The following STAT5A variants were observed in gnomAD, a reference collection of about 807,000 sequenced individuals.
The protein encoded by STAT5A is signal transducer and activator of transcription 5A.
STAT5A carries 26 observed loss-of-function variants against 100.2 expected under a neutral mutation model. That is an observed-to-expected ratio of 0.26 (90% CI 0.19 to 0.36). The LOEUF is 0.36. Ranked by LOEUF, STAT5A falls within the 10% of genes least tolerant of loss-of-function variation. The probability of loss-of-function intolerance (pLI) is 1.00; values close to 1 mark genes in which losing one functional copy is unlikely to be tolerated. For missense variants in STAT5A, 634 were observed against 1,027.5 expected (o/e 0.62, Z 5.24); for synonymous variants, 330 against 424.3 (o/e 0.78, Z 2.73).
intron 4 of STAT5A, among the ~76,000 whole-genome samples, chr17:42,292,395 C>T (rs952245755): frequency 3.3e-5 from 5 of 152,010 alleles, no homozygotes; most frequent in Non-Finnish European, 7.4e-5. Context: ...GTGGCGTGAT[C>T]TCGGCTCACT....
At position 42,311,798 on chromosome 17, in the gene STAT5A, G is replaced by A. The variant is rs781630618; in HGVS notation, c.*1129G>A. ...TGAGGCTGTAGGACTCGCAGTCAGGGGCAGCTGACCATGGAAGATTGAGAG... is the reference window on the plus strand; with the variant it reads ...TGAGGCTGTAGGACTCGCAGTCAGGAGCAGCTGACCATGGAAGATTGAGAG... On this transcript the variant is annotated 3_prime_UTR_variant, in exon 19 of 19. Transcript: ENST00000590949. 1 of 152,718 alleles carries A rather than the reference G, an allele frequency of 6.5e-6. No individual in the cohort carries two copies. The highest frequency in any genetic ancestry group is 2.4e-5 in the African/African-American group (1 of 41,448). The allele number at this position is 152,718 out of a possible 1,614,324, so 9.5% of individuals were successfully genotyped here. A position where few individuals can be genotyped will look rare whatever the true frequency, so the allele number is the denominator to read the frequency against.
intron 4 of STAT5A, among the ~76,000 whole-genome samples, chr17:42,293,271 C>T (rs544665454): frequency 3.9e-5 from 6 of 152,266 alleles, no homozygotes; most frequent in African/African-American, 1.4e-4. Flanking sequence ...GTGGCGTGAT[C>T]TCGGCTCACT....
intron 4 of STAT5A, 83 bp downstream of exon 4, chr17:42,292,144 A>G (rs2080875183): frequency 2.0e-6 from 3 of 1,506,268 alleles, no homozygotes; most frequent in Non-Finnish European, 2.7e-6. Context: ...TGTTTATATA[A>G]AACAGCAGCA....
chr17:42,301,391 T>G lies in STAT5A; in HGVS notation c.1106T>G (p.Val369Gly). 1.2e-6 allele frequency: 2 copies of G among 1,614,130 alleles called. No individual in the cohort carries two copies. Among genetic ancestry groups the G allele is most frequent in the Non-Finnish European group, 1.7e-6 (2 of 1,180,014 alleles). Reference sequence around the variant, plus strand: ...AACGTGCACATGAATCCCCCCCAGGTGAAGGCCACCATCATCAGTGAGCAG... The same window carrying G: ...AACGTGCACATGAATCCCCCCCAGGGGAAGGCCACCATCATCAGTGAGCAG... ...KLNVHMNPPQ[V>G]KATIISEQQA... Residue 369 changes from valine to glycine, a missense_variant, in exon 9 of 19, where the codon GTG becomes GGG. Physicochemically the swap from Val to Gly is moderately radical, Grantham distance 109 (BLOSUM62 -3). Around this residue, in one of 5 missense-constraint regions of STAT5A, gnomAD observed 98 missense variants for 149.7 expected, o/e 0.65. Transcript: ENST00000590949.
At chr17:42,301,673 C>G (rs888605469) in intron 9 of STAT5A, among the ~76,000 whole-genome samples, 5 of 152,182 alleles carry the variant, frequency 3.3e-5, no homozygotes, top group Non-Finnish European at 5.9e-5. Flanking sequence ...CGTTCTTTAC[C>G]CTGGGGATGG....
chr17:42,305,170 A>G (rs2081016122), intron 11 of STAT5A, among the ~76,000 whole-genome samples: 1 of 152,186 alleles, frequency 6.6e-6, no homozygotes, highest in Non-Finnish European at 1.5e-5. Flanking sequence ...ACTGCCCTCC[A>G]GTCTGGGCGA....
intron 9 of STAT5A, among the ~76,000 whole-genome samples, chr17:42,303,445 C>CACGCCT (rs985749273): frequency 1.3e-5 from 2 of 152,060 alleles, no homozygotes; most frequent in African/African-American, 4.8e-5. Flanking sequence ...CACAGTGGCT[C>CACGCCT]ACGCCTGTAA....
intron 12 of STAT5A, chr17:42,306,036 CT>C (rs2081025647): frequency 2.4e-6 from 2 of 841,600 alleles, no homozygotes; most frequent in African/African-American, 1.7e-5. Context: ...CCCCCACCCC[CT>C]GCATCGGTTT....
At chr17:42,305,256 A>G (rs973674287) in intron 11 of STAT5A, among the ~76,000 whole-genome samples, 2 of 152,090 alleles carry the variant, frequency 1.3e-5, no homozygotes, top group African/African-American at 4.8e-5. Flanking sequence ...TAATCCCAGC[A>G]CTTTGGGAGG....
intron 7 of STAT5A, 52 bp from the exon 8 acceptor site, chr17:42,300,663 G>T: frequency 6.2e-7 from 1 of 1,613,620 alleles, no homozygotes; most frequent in South Asian, 1.1e-5. Context: ...GGGGCCTGGC[G>T]TCTGTGAGGA....
At chr17:42,298,371 G>A (rs557505876) in intron 5 of STAT5A, among the ~76,000 whole-genome samples, 1 of 151,882 alleles carries the variant, frequency 6.6e-6, no homozygotes, top group Admixed American at 6.6e-5. Context: ...ATGTTGGCCA[G>A]GCTGGTCTCG....
At chr17:42,303,264 G>C (rs1330566000) in intron 9 of STAT5A, among the ~76,000 whole-genome samples, 1 of 151,782 alleles carries the variant, frequency 6.6e-6, no homozygotes, top group Non-Finnish European at 1.5e-5. Context: ...AAAGTTTACT[G>C]ATTTCCTACC....
At chr17:42,293,266 G>A (rs1222554743) in intron 4 of STAT5A, among the ~76,000 whole-genome samples, 3 of 152,048 alleles carry the variant, frequency 2.0e-5, no homozygotes, top group Admixed American at 6.6e-5. Context: ...GTGCAGTGGC[G>A]TGATCTCGGC....
chr17:42,301,182 T>C lies in STAT5A; in HGVS notation c.990-93T>C, dbSNP rs577293190. 6.2e-5 allele frequency: 96 copies of C among 1,549,698 alleles called. No individual in the cohort carries two copies. The African/African-American group carries it at 8.7e-4, about 14-fold the overall frequency. On this transcript the variant is annotated intron_variant, in intron 8 of 18. Coordinates refer to ENST00000590949, the MANE Select transcript of STAT5A (RefSeq NM_001288718.2). Reference sequence around the variant, plus strand: ...CGAGCTCATCACCTCCTGAGCCCCATGGGAGGCAGCCCCACCCCCACCACA... The same window carrying C: ...CGAGCTCATCACCTCCTGAGCCCCACGGGAGGCAGCCCCACCCCCACCACA...
rs1170108911 is a variant in STAT5A at position 42,307,720 on chromosome 17, TC to T, written c.1906del (p.Pro636ArgfsTer8). The T allele has an allele frequency of 1.2e-6, 2 of 1,613,682 alleles. No homozygotes were observed. The highest frequency in any genetic ancestry group is 1.3e-5 in the African/African-American group (1 of 74,892). On this transcript the variant is annotated frameshift_variant and splice_region_variant, in exon 15 of 19. Coordinates refer to ENST00000590949, the MANE Select transcript of STAT5A (RefSeq NM_001288718.2). LOFTEE classifies it high-confidence loss of function. ...CATCACCATCGCCTGGAAGTTTGAC[TC>T]CCGTGAGTGCCCGTTTTGCCCACAC... Reference protein sequence around the residue: ...GGITIAWKFDSPERNLWNLKP... With the variant: ...GGITIAWKFDXPERNLWNLKP...
At chr17:42,307,273 C>A in intron 13 of STAT5A, 129 bp from the exon 14 acceptor site, 1 of 862,448 alleles carries the variant, frequency 1.2e-6, no homozygotes, top group Non-Finnish European at 1.9e-6. Flanking sequence ...TTATGGTCTG[C>A]TGGAGTGTGG....
chr17:42,309,922 C>G (rs956181372), intron 18 of STAT5A, among the ~76,000 whole-genome samples: 7 of 152,156 alleles, frequency 4.6e-5, no homozygotes, highest in African/African-American at 1.7e-4. Context: ...TGTGGATAGC[C>G]AGGGCTGGAT....
intron 5 of STAT5A, among the ~76,000 whole-genome samples, chr17:42,296,603 C>T (rs1165827352): frequency 6.6e-6 from 1 of 152,068 alleles, no homozygotes; most frequent in Non-Finnish European, 1.5e-5. Flanking sequence ...GACCTTAGGT[C>T]ATTGATTTTA....
At chr17:42,290,720 C>G (rs35391938) in intron 3 of STAT5A, among the ~76,000 whole-genome samples, 2,254 of 152,246 alleles carry the variant, frequency 0.015, 60 homozygotes, top group African/African-American at 0.051. Context: ...GCATCAGATG[C>G]CCTGAGTCTG....
Sources: gnomAD v4.1 joint callset for allele counts (sites outside exome capture counted in the v4.1 genomes callset) on GRCh38, gnomAD v4.1.1 for gene constraint, gnomAD v4.1.1 regional missense constraint, MANE v1.5 for transcripts, NCBI Gene and HGNC (gene_info 2026-07-23, HGNC 2026-07-21) for gene names.